ADGRL4: variants seen among roughly 807,000 people sequenced by gnomAD.
The protein encoded by ADGRL4 is adhesion G protein-coupled receptor L4.
ADGRL4 carries 90 observed loss-of-function variants against 74.8 expected under a neutral mutation model. The ratio of observed to expected loss-of-function variants is 1.20; its 90% CI spans 1.02 to 1.43. The LOEUF is 1.43. ADGRL4 is among the 40% of genes most tolerant of loss of function. The probability of loss-of-function intolerance (pLI) is 0.00; values close to 1 mark genes in which losing one functional copy is unlikely to be tolerated. For synonymous variants in ADGRL4, 311 were observed against 279.2 expected (o/e 1.11, Z -1.14); for missense variants, 881 against 814.3 (o/e 1.08, Z -1.00).
At chr1:78,979,746 G>T (rs1214544677) in intron 2 of ADGRL4, among the ~76,000 whole-genome samples, 1 of 151,886 alleles carries the variant, frequency 6.6e-6, no homozygotes, top group Non-Finnish European at 1.5e-5. Context: ...AATGTCTTTT[G>T]CAGTGACTTG....
intron 2 of ADGRL4, among the ~76,000 whole-genome samples, chr1:78,995,554 G>A (rs1216186146): frequency 6.6e-6 from 1 of 152,186 alleles, no homozygotes; most frequent in Admixed American, 6.5e-5. Flanking sequence ...TAACACAACT[G>A]TGTAATAAAG....
chr1:78,922,339 C>T (rs1649018383), intron 8 of ADGRL4, among the ~76,000 whole-genome samples: 1 of 151,914 alleles, frequency 6.6e-6, no homozygotes, highest in South Asian at 2.1e-4. Context: ...GGGTTCCAAA[C>T]AGTTGGAAAT....
intron 2 of ADGRL4, among the ~76,000 whole-genome samples, chr1:78,956,868 T>C (rs1462315715): frequency 6.6e-6 from 1 of 152,170 alleles, no homozygotes; most frequent in Non-Finnish European, 1.5e-5. Context: ...CACTTTATTG[T>C]ACTTTGCAGA....
rs1650433540 is a variant in ADGRL4 at position 78,983,379 on chromosome 1, A to G, written c.172+21691T>C. ...AAAGAGATAAGCAATGGAGTTTAAT[A>G]TATGTGAAAGCTACAAGGTTCTATT... On this transcript the variant is annotated intron_variant, in intron 2 of 14. Coordinates refer to ENST00000370742, the MANE Select transcript of ADGRL4 (RefSeq NM_022159.4). Among the ~76,000 whole-genome samples, 2 of 151,760 alleles carry G rather than the reference A, an allele frequency of 1.3e-5. 1 individual carries two copies. The highest frequency in any genetic ancestry group is 1.3e-4 in the Admixed American group (2 of 15,168).
At chr1:78,895,727 A>G (rs1648383837) in intron 12 of ADGRL4, among the ~76,000 whole-genome samples, 2 of 152,122 alleles carry the variant, frequency 1.3e-5, no homozygotes, top group Non-Finnish European at 2.9e-5. Flanking sequence ...AAGCAAAGCG[A>G]CGAGTGGCAT....
chr1:78,898,287 C>A (rs1648440241), intron 12 of ADGRL4, among the ~76,000 whole-genome samples: 1 of 151,998 alleles, frequency 6.6e-6, no homozygotes, highest in Non-Finnish European at 1.5e-5. Flanking sequence ...TGATAGCAGA[C>A]TTGGGTAAAT....
In ADGRL4 at chr1:78,917,663, A is replaced by G; in HGVS notation, c.1720T>C (p.Phe574Leu). 2.5e-6 allele frequency: 4 copies of G among 1,606,314 alleles called. No homozygotes were observed. The highest frequency in any genetic ancestry group is 3.4e-6 in the Non-Finnish European group (4 of 1,176,172). Residue 574 changes from phenylalanine to leucine, a missense_variant, in exon 12 of 15, where the codon TTT (phenylalanine) becomes CTT (leucine). Transcript: ENST00000370742. ...ATGATTAGGCATGCTGGTCCTATAA[A>G]ACTCCAAATAAAGTTGTTTTCGGTG... ...LSTENNFIWS[F>L]IGPACLIILV...
intron 9 of ADGRL4, among the ~76,000 whole-genome samples, chr1:78,921,392 G>A (rs1436720157): frequency 6.7e-6 from 1 of 148,966 alleles, no homozygotes; most frequent in African/African-American, 2.5e-5. Context: ...GACTAGATAA[G>A]TCTTAGACTA....
At chr1:78,956,050 T>A (rs367595217) in intron 2 of ADGRL4, among the ~76,000 whole-genome samples, 3 of 152,166 alleles carry the variant, frequency 2.0e-5, no homozygotes, top group Non-Finnish European at 1.5e-5. Context: ...GCATATAGCA[T>A]CAGGATGATA....
At chr1:78,901,458 T>C (rs1648516044) in intron 12 of ADGRL4, among the ~76,000 whole-genome samples, 1 of 152,178 alleles carries the variant, frequency 6.6e-6, no homozygotes, top group Non-Finnish European at 1.5e-5. Flanking sequence ...GTATGTAGTC[T>C]ATGAAAGGGC....
intron 7 of ADGRL4, among the ~76,000 whole-genome samples, chr1:78,935,424 G>A (rs1649331673): frequency 6.6e-6 from 1 of 151,662 alleles, no homozygotes; most frequent in African/African-American, 2.4e-5. Flanking sequence ...AAGAGGGGAG[G>A]GAACTTAGAG....
intron 9 of ADGRL4, among the ~76,000 whole-genome samples, 167 bp downstream of exon 9, chr1:78,921,446 T>C (rs1265461368): frequency 6.8e-6 from 1 of 146,382 alleles, no homozygotes; most frequent in Admixed American, 7.0e-5. Flanking sequence ...AGAAGGTAGG[T>C]AGGAAAACAG....
At chr1:78,983,297 T>C (rs1372249226) in intron 2 of ADGRL4, among the ~76,000 whole-genome samples, 1 of 151,710 alleles carries the variant, frequency 6.6e-6, no homozygotes, top group African/African-American at 2.4e-5. Flanking sequence ...AGATTTAGGG[T>C]ACTTTACAAA....
At chr1:78,921,582 T>A (rs1025508022) in intron 9 of ADGRL4, 31 bp downstream of exon 9, 1 of 1,327,336 alleles carries the variant, frequency 7.5e-7, no homozygotes, top group Non-Finnish European at 9.9e-7. Context: ...AAAAGCAACA[T>A]TTATAAATAT....
intron 2 of ADGRL4, among the ~76,000 whole-genome samples, chr1:78,950,010 G>A (rs1231296131): frequency 6.6e-6 from 1 of 152,092 alleles, no homozygotes; most frequent in Non-Finnish European, 1.5e-5. Context: ...CATAGCTACT[G>A]GAGAAGATGT....
In ADGRL4 at chr1:78,918,043, C is replaced by T; in HGVS notation, c.1469G>A (p.Cys490Tyr). ...GINTNTNKLFCSIIAGLLHYF... is the reference protein window; with the variant it reads ...GINTNTNKLFYSIIAGLLHYF... The stretch of plus-strand genomic sequence containing the variant: ...GTGTAGCAGTCCGGCAATGATTGAA[C>T]AGAAGAGCTAGAAATCAAAGAAAAA... The change falls in exon 11 of 15, where the codon TGT (cysteine) becomes TAT (tyrosine). Residue 490 changes from cysteine (C) to tyrosine (Y), a missense_variant. Cys to Tyr is a radical substitution (Grantham distance 194, BLOSUM62 -2). Transcript: ENST00000370742. The T allele has an allele frequency of 6.3e-7, 1 of 1,586,024 alleles. No individual in the cohort carries two copies. Among genetic ancestry groups the T allele is most frequent in the Non-Finnish European group, 8.6e-7 (1 of 1,165,592 alleles).
intron 2 of ADGRL4, among the ~76,000 whole-genome samples, chr1:79,000,592 T>G (rs1650820705): frequency 6.6e-6 from 1 of 152,234 alleles, no homozygotes; most frequent in African/African-American, 2.4e-5. Context: ...TGGATACTTT[T>G]GAGGAAGTTC....
chr1:78,914,647 T>A (rs973711970), intron 12 of ADGRL4, among the ~76,000 whole-genome samples: 1 of 151,870 alleles, frequency 6.6e-6, no homozygotes, highest in Non-Finnish European at 1.5e-5. Flanking sequence ...GTTACTTTTT[T>A]TTTTCTTCAG....
intron 6 of ADGRL4, among the ~76,000 whole-genome samples, chr1:78,937,328 C>T (rs1390714684): frequency 6.6e-6 from 1 of 152,132 alleles, no homozygotes; most frequent in Admixed American, 6.5e-5. Context: ...GCCTGTAATC[C>T]CAGCAAGTTG....
Sources: allele counts gnomAD v4.1 joint callset (sites outside exome capture counted in the v4.1 genomes callset), GRCh38; gene constraint gnomAD v4.1.1; transcripts MANE v1.5; gene names NCBI Gene and HGNC (gene_info 2026-07-23, HGNC 2026-07-21).